Variants in LNPK observed in about 807,000 individuals in gnomAD.
LNPK encodes lunapark, ER junction formation factor.
In LNPK, 29 loss-of-function variants were observed where a neutral mutation model predicts 55.2. The observed-to-expected ratio is 0.53, with a 90% CI of 0.39 to 0.72. The LOEUF (loss-of-function observed/expected upper bound fraction) is 0.72, where lower values mean the gene tolerates loss of function less well. LNPK is among the 30% of genes least tolerant of loss of function. LNPK has a pLI of 0.00. For synonymous variants in LNPK, 162 were observed against 168.2 expected (o/e 0.96, Z 0.29); for missense variants, 467 against 494.8 (o/e 0.94, Z 0.53).
chr2:175,972,784 G>A (rs1686721738), intron 5 of LNPK, among the ~76,000 whole-genome samples: 1 of 152,124 alleles, frequency 6.6e-6, no homozygotes, highest in Non-Finnish European at 1.5e-5. Flanking sequence ...TAGTTTGAAA[G>A]GCATTTATAA....
chr2:175,993,569 G>GCCAA (rs755244141), intron 2 of LNPK, among the ~76,000 whole-genome samples: 13 of 152,146 alleles, frequency 8.5e-5, no homozygotes, highest in Non-Finnish European at 1.6e-4. Context: ...ACTTTGGGAG[G>GCCAA]CCAAGGTGGG....
intron 6 of LNPK, among the ~76,000 whole-genome samples, chr2:175,965,869 C>T (rs1686306759): frequency 6.6e-6 from 1 of 151,824 alleles, no homozygotes; most frequent in Admixed American, 6.6e-5. Context: ...TCAACATAAT[C>T]TACATGGAAT....
intron 9 of LNPK, among the ~76,000 whole-genome samples, chr2:175,941,515 G>A (rs189127463): frequency 1.1e-3 from 165 of 151,442 alleles, no homozygotes; most frequent in African/African-American, 3.4e-3. Flanking sequence ...AATCTTGACC[G>A]GGTGCAGTGG....
chr2:175,925,587 T>C lies in LNPK; in HGVS notation c.*4380A>G, dbSNP rs909618185. 2.6e-5 allele frequency: 4 copies of C among 151,452 alleles called. No homozygotes were observed. Among genetic ancestry groups the C allele is most frequent in the Non-Finnish European group, 4.4e-5 (3 of 67,978 alleles). 9.4% of individuals were successfully genotyped at this position (151,452 alleles called of 1,614,324 possible). A position where few individuals can be genotyped will look rare whatever the true frequency, so the allele number is the denominator to read the frequency against. On this transcript the variant is annotated 3_prime_UTR_variant, in exon 13 of 13. Transcript: ENST00000272748. Reference sequence around the variant, plus strand: ...CACAGGGCTTTGCAGGCCTTATTAGTAAATTTGGACCTCATCCCAAGAACA... The same window carrying C: ...CACAGGGCTTTGCAGGCCTTATTAGCAAATTTGGACCTCATCCCAAGAACA...
intron 9 of LNPK, chr2:175,939,864 T>C: frequency 2.4e-6 from 1 of 419,766 alleles, no homozygotes; most frequent in East Asian, 3.8e-5. Context: ...ATGTGCTATA[T>C]TAGAACTACC....
In LNPK at chr2:175,939,639, G is replaced by A; in HGVS notation, c.725C>T (p.Pro242Leu). ...GGGGAGAATAGGTCTTGCTAAAGGT[G>A]GACCTGGAGGATGAAGACCTATTAA... ...VPGMGLHPPGPPLARPILPRE... is the reference protein window; with the variant it reads ...VPGMGLHPPGLPLARPILPRE... The change falls in exon 10 of 13, where the codon CCA becomes CTA. Residue 242 changes from proline (P) to leucine (L), a missense_variant. Coordinates refer to ENST00000272748, the MANE Select transcript of LNPK (RefSeq NM_030650.3). 1 of 1,569,154 alleles carries A rather than the reference G, an allele frequency of 6.4e-7. No homozygotes were observed. Among genetic ancestry groups the A allele is most frequent in the Non-Finnish European group, 8.7e-7 (1 of 1,146,572 alleles).
At chr2:175,994,154 C>T (rs140108071) in intron 2 of LNPK, 2 of 979,218 alleles carry the variant, frequency 2.0e-6, no homozygotes, top group Non-Finnish European at 2.4e-6. Context: ...CTCAACAATC[C>T]AAGAGGGTAA....
At chr2:175,959,294 A>G (rs1364561255) in intron 8 of LNPK, among the ~76,000 whole-genome samples, 1 of 152,232 alleles carries the variant, frequency 6.6e-6, no homozygotes, top group Non-Finnish European at 1.5e-5. Context: ...AATGCAGGAA[A>G]AAATGTTAAG....
intron 8 of LNPK, among the ~76,000 whole-genome samples, chr2:175,956,278 C>CAAAA (rs10630601): frequency 6.5e-5 from 7 of 108,520 alleles, no homozygotes; most frequent in South Asian, 3.1e-4. Flanking sequence ...ACCATGTATT[C>CAAAA]AAAAAAAAAA....
At chr2:175,981,536 A>C (rs747246122) in intron 4 of LNPK, among the ~76,000 whole-genome samples, 1 of 152,192 alleles carries the variant, frequency 6.6e-6, no homozygotes, top group Non-Finnish European at 1.5e-5. Flanking sequence ...AAATTCCTGG[A>C]TTATACAAAG....
At chr2:175,950,512 T>C (rs183864969) in intron 8 of LNPK, among the ~76,000 whole-genome samples, 1 of 152,114 alleles carries the variant, frequency 6.6e-6, no homozygotes, top group Non-Finnish European at 1.5e-5. Context: ...CCCAAAAATA[T>C]GTACAATTAT....
intron 8 of LNPK, among the ~76,000 whole-genome samples, chr2:175,960,156 A>G (rs572740561): frequency 6.6e-6 from 1 of 152,340 alleles, no homozygotes; most frequent in Non-Finnish European, 1.5e-5. Context: ...TCAACGAGAC[A>G]GAAGGTTAAC....
At chr2:175,941,609 G>T (rs1316353554) in intron 9 of LNPK, among the ~76,000 whole-genome samples, 1 of 151,412 alleles carries the variant, frequency 6.6e-6, no homozygotes, top group African/African-American at 2.4e-5. Flanking sequence ...TGGCCAACAT[G>T]GTGAAACCCT....
intron 6 of LNPK, chr2:175,967,685 T>G (rs940712227): frequency 2.8e-5 from 28 of 983,364 alleles, no homozygotes; most frequent in Non-Finnish European, 3.1e-5. Flanking sequence ...TGAGGTTTGC[T>G]GTTGAAATTG....
In LNPK at chr2:175,947,542, G is replaced by A. The variant is rs559777495; in HGVS notation, c.644C>T (p.Ala215Val). The A allele has an allele frequency of 1.9e-6, 3 of 1,614,018 alleles. No homozygotes were observed. The East Asian group carries it at 6.7e-5, about 36-fold the overall frequency. The change falls in exon 9 of 13, where the codon GCC becomes GTC. Residue 215 changes from alanine (A) to valine (V), a missense_variant. By Grantham distance (64) the Ala-to-Val change is moderately conservative. Transcript: ENST00000272748. ...TCTTGGTAACACATTTGATGATAGG[G>A]CTGGAGTAACAGTCCTTTCTGGGGG... Reference protein sequence around the residue: ...GGPPERTVTPALSSNVLPRHL... With the variant: ...GGPPERTVTPVLSSNVLPRHL...
intron 4 of LNPK, among the ~76,000 whole-genome samples, chr2:175,988,922 C>T (rs1271715702): frequency 6.6e-6 from 1 of 152,064 alleles, no homozygotes; most frequent in East Asian, 1.9e-4. Flanking sequence ...TACAGGAGCC[C>T]ACCACCGTGC....
intron 9 of LNPK, among the ~76,000 whole-genome samples, chr2:175,943,908 T>C (rs1413135668): frequency 1.3e-5 from 2 of 152,062 alleles, no homozygotes; most frequent in African/African-American, 4.8e-5. Context: ...CTATTACCAT[T>C]GTACTGAAGG....
rs910915146 is a variant in LNPK, at chr2:175,947,597, G to T, written c.589C>A (p.Pro197Thr). Residue 197 changes from proline (P) to threonine (T), a missense_variant, in exon 9 of 13, where the codon CCA becomes ACA. Pro to Thr is a conservative substitution (Grantham distance 38). Coordinates refer to ENST00000272748, the MANE Select transcript of LNPK (RefSeq NM_030650.3). ...PPPQVPVSPGPPKDSSAPGGP... is the reference protein window; with the variant it reads ...PPPQVPVSPGTPKDSSAPGGP... ...CCAGGGGCAGAACTGTCCTTTGGTG[G>T]TCCAGGAGATACTGGAACTTGTGGA... 3.7e-6 allele frequency: 6 copies of T among 1,613,864 alleles called. No individual in the cohort carries two copies. The highest frequency in any genetic ancestry group is 5.1e-6 in the Non-Finnish European group (6 of 1,179,926).
chr2:175,994,083 A>T, intron 2 of LNPK: 1 of 614,732 alleles, frequency 1.6e-6, no homozygotes, highest in Non-Finnish European at 2.0e-6. Context: ...TTATACATCT[A>T]GAATGAAAAC....
Sources: allele counts gnomAD v4.1 joint callset (sites outside exome capture counted in the v4.1 genomes callset), GRCh38; gene constraint gnomAD v4.1.1; transcripts MANE v1.5; gene names NCBI Gene and HGNC (gene_info 2026-07-23, HGNC 2026-07-21).